Variants in RIMS1 observed in about 807,000 individuals in gnomAD.
RIMS1 encodes regulating synaptic membrane exocytosis protein 1.
Under a neutral mutation model 214.1 loss-of-function variants are expected in RIMS1, and 83 were observed. That is an observed-to-expected ratio of 0.39 (90% CI 0.32 to 0.47). RIMS1 has a LOEUF of 0.47. Among genes scored for constraint, RIMS1 ranks in the 20% least tolerant of loss-of-function variants. The pLI is 0.99. For missense variants in RIMS1, 2,050 were observed against 2,161.8 expected (o/e 0.95, Z 1.03); for synonymous variants, 793 against 786.8 (o/e 1.01, Z -0.13).
intron 6 of RIMS1, chr6:72,216,863 T>C: frequency 9.7e-7 from 1 of 1,034,402 alleles, no homozygotes; most frequent in Non-Finnish European, 1.2e-6. Context: ...CTAAAAGAGC[T>C]TTAGTGTATG....
chr6:72,341,359 G>A (rs75741051), intron 29 of RIMS1, among the ~76,000 whole-genome samples: 13,935 of 151,798 alleles, frequency 0.092, 796 homozygotes, highest in Non-Finnish European at 0.13. Flanking sequence ...AGAAATCTGT[G>A]TGGAATCTAA....
intron 2 of RIMS1, among the ~76,000 whole-genome samples, chr6:72,072,382 C>T (rs2152307851): frequency 6.6e-6 from 1 of 152,180 alleles, no homozygotes; most frequent in East Asian, 1.9e-4. Flanking sequence ...AGGAATGGTA[C>T]ATAAACTGAA....
At chr6:72,326,336 G>A (rs1205873401) in intron 28 of RIMS1, among the ~76,000 whole-genome samples, 3 of 151,650 alleles carry the variant, frequency 2.0e-5, no homozygotes, top group East Asian at 3.9e-4. Context: ...CTTCCAAAAC[G>A]TTGTGTCAGC....
At chr6:72,319,036 A>G (rs1186236151) in intron 28 of RIMS1, among the ~76,000 whole-genome samples, 1 of 151,928 alleles carries the variant, frequency 6.6e-6, no homozygotes, top group African/African-American at 2.4e-5. Context: ...ATTTTTTTTT[A>G]AATTTGCTTA....
At chr6:72,334,407 T>A (rs961398178) in intron 29 of RIMS1, among the ~76,000 whole-genome samples, 2 of 151,880 alleles carry the variant, frequency 1.3e-5, no homozygotes, top group Non-Finnish European at 2.9e-5. Context: ...TTTCAGATAT[T>A]TTCTGCTGCT....
At chr6:72,008,401 A>C (rs1808734821) in intron 2 of RIMS1, among the ~76,000 whole-genome samples, 2 of 152,226 alleles carry the variant, frequency 1.3e-5, no homozygotes, top group South Asian at 4.1e-4. Context: ...GAGGCTAGGA[A>C]GAAACTGCAT....
chr6:71,946,763 G>A (rs529675059), intron 1 of RIMS1, among the ~76,000 whole-genome samples: 30 of 149,944 alleles, frequency 2.0e-4, no homozygotes, highest in Non-Finnish European at 3.6e-4. Flanking sequence ...TATAGGCAAC[G>A]AAAGCAAAAA....
rs548265606 is a variant in RIMS1 at position 72,219,485 on chromosome 6, C to T, written c.1679-14288C>T. 1.4e-3 allele frequency among the ~76,000 whole-genome samples: 218 copies of T among 152,176 alleles called. 2 individuals carry two copies. Among genetic ancestry groups the T allele is most frequent in the African/African-American group, 4.7e-3 (196 of 41,540 alleles). On this transcript the variant is annotated intron_variant, in intron 6 of 33. Coordinates refer to ENST00000521978, the MANE Select transcript of RIMS1 (RefSeq NM_014989.7). ...TAAATAAGTTTTAGAGAAGGTTTTA[C>T]GTGACTTCTATGAGTCTTGAATATC...
chr6:72,395,996 A>G (rs976368468), intron 31 of RIMS1, among the ~76,000 whole-genome samples: 1 of 151,890 alleles, frequency 6.6e-6, no homozygotes, highest in African/African-American at 2.4e-5. Context: ...AAATATAGTC[A>G]TACTTTCCAG....
Position 72,149,386 on chromosome 6 carries a change from C to T in RIMS1, c.472-30189C>T, listed in dbSNP as rs139213952. Among the ~76,000 whole-genome samples, 177 of 152,314 alleles carry T rather than the reference C, an allele frequency of 1.2e-3. 2 individuals are homozygous for T. Among genetic ancestry groups the T allele is most frequent in the African/African-American group, 3.9e-3 (164 of 41,572 alleles). ...ACCCCCTCCAGTTGCAGACTGGAGC[C>T]GGTCTAGGGGCCTTAGGACAACAAT... On this transcript the variant is annotated intron_variant, in intron 4 of 33. Coordinates refer to ENST00000521978, the MANE Select transcript of RIMS1 (RefSeq NM_014989.7).
intron 27 of RIMS1, among the ~76,000 whole-genome samples, chr6:72,309,371 A>G (rs1000807892): frequency 6.6e-6 from 1 of 152,168 alleles, no homozygotes; most frequent in Admixed American, 6.5e-5. Flanking sequence ...ATTTATGACA[A>G]CTGGGGCTCA....
At chr6:72,080,725 G>A (rs1833162907) in intron 2 of RIMS1, among the ~76,000 whole-genome samples, 2 of 152,120 alleles carry the variant, frequency 1.3e-5, no homozygotes, top group Non-Finnish European at 2.9e-5. Flanking sequence ...CCCACCTCAG[G>A]CCTTTCACAC....
At chr6:72,063,075 A>G (rs1828335050) in intron 2 of RIMS1, among the ~76,000 whole-genome samples, 1 of 152,176 alleles carries the variant, frequency 6.6e-6, no homozygotes, top group Non-Finnish European at 1.5e-5. Flanking sequence ...CCATAACAAC[A>G]GATATGACAA....
chr6:72,302,583 G>A (rs9446617), intron 26 of RIMS1, among the ~76,000 whole-genome samples: 2,014 of 151,308 alleles, frequency 0.013, 57 homozygotes, highest in African/African-American at 0.047. Flanking sequence ...CCAAATAAGC[G>A]GTCATTTATC....
chr6:72,035,267 T>G (rs73750323), intron 2 of RIMS1, among the ~76,000 whole-genome samples: 4,875 of 152,248 alleles, frequency 0.032, 260 homozygotes, highest in African/African-American at 0.11. Flanking sequence ...CTTCATGGTG[T>G]TGTTAATATA....
intron 26 of RIMS1, among the ~76,000 whole-genome samples, chr6:72,296,354 AT>A (rs1246003676): frequency 1.3e-5 from 2 of 151,946 alleles, no homozygotes; most frequent in Non-Finnish European, 2.9e-5. Context: ...AAAGTAGAAA[AT>A]CTCTGGATTT....
intron 6 of RIMS1, among the ~76,000 whole-genome samples, chr6:72,194,172 G>A (rs987495120): frequency 1.5e-4 from 23 of 152,038 alleles, no homozygotes; most frequent in Non-Finnish European, 2.1e-4. Flanking sequence ...ACCATCCAAA[G>A]CAATATACAA....
At chr6:72,317,721 C>A (rs1164810641) in intron 28 of RIMS1, among the ~76,000 whole-genome samples, 1 of 152,056 alleles carries the variant, frequency 6.6e-6, no homozygotes, top group Non-Finnish European at 1.5e-5. Context: ...ATATGAAAAT[C>A]TTGAGTTAGA....
chr6:72,114,976 T>C (rs1257687957), intron 4 of RIMS1, among the ~76,000 whole-genome samples: 2 of 151,958 alleles, frequency 1.3e-5, no homozygotes, highest in African/African-American at 4.8e-5. Flanking sequence ...CCACCAGCTT[T>C]TTTGTTTATC....
Sources: allele counts gnomAD v4.1 joint callset (sites outside exome capture counted in the v4.1 genomes callset), GRCh38; gene constraint gnomAD v4.1.1; transcripts MANE v1.5; gene names NCBI Gene and HGNC (gene_info 2026-07-23, HGNC 2026-07-21).